AGBL4: variants seen among roughly 807,000 people sequenced by gnomAD.
AGBL4 encodes cytosolic carboxypeptidase 6.
AGBL4 carries 58 observed loss-of-function variants against 66.4 expected under a neutral mutation model. The ratio of observed to expected loss-of-function variants is 0.87; its 90% CI spans 0.71 to 1.09. AGBL4 has a LOEUF of 1.09. Among genes scored for constraint, AGBL4 ranks in the 50% least tolerant of loss-of-function variants. The pLI, the probability that AGBL4 is intolerant of heterozygous loss-of-function variation, is 0.00. For synonymous variants in AGBL4, 234 were observed against 222.9 expected, an observed-to-expected ratio of 1.05 and a Z score of -0.44; for missense variants, 579 against 631.0, an observed-to-expected ratio of 0.92 and a Z score of 0.88.
Position 49,390,456 on chromosome 1 carries a change from T to C in AGBL4, c.283-144592A>G, listed in dbSNP as rs546071671. Among the ~76,000 whole-genome samples, 181 of 152,304 alleles carry C rather than the reference T, an allele frequency of 1.2e-3. 3 individuals carry two copies. The South Asian group carries it at 0.016, about 14-fold the overall frequency. On this transcript the variant is annotated intron_variant, in intron 3 of 13. Coordinates refer to ENST00000371839, the MANE Select transcript of AGBL4 (RefSeq NM_032785.4). ...AACTTCACTAATAATGAAGGAGACATACTCAAAAATCTCTAAGGAAGAAAC... is the reference window on the plus strand; with the variant it reads ...AACTTCACTAATAATGAAGGAGACACACTCAAAAATCTCTAAGGAAGAAAC...
At chr1:49,263,983 T>C (rs1056418128) in intron 3 of AGBL4, among the ~76,000 whole-genome samples, 2 of 152,150 alleles carry the variant, frequency 1.3e-5, no homozygotes, top group African/African-American at 2.4e-5. Flanking sequence ...TTTATCAACA[T>C]AGAGAAACTT....
intron 8 of AGBL4, among the ~76,000 whole-genome samples, chr1:48,647,217 T>C (rs1371273068): frequency 6.6e-6 from 1 of 152,204 alleles, no homozygotes. Flanking sequence ...CGCAGAATCA[T>C]TTCTGTACCA....
chr1:49,883,916 T>C (rs894787941), intron 1 of AGBL4, among the ~76,000 whole-genome samples: 7 of 152,022 alleles, frequency 4.6e-5, no homozygotes, highest in Non-Finnish European at 8.8e-5. Context: ...AAATACAAAG[T>C]TATTATTCTC....
chr1:48,811,707 A>G (rs1278793448), intron 6 of AGBL4, among the ~76,000 whole-genome samples: 1 of 4,480 alleles, frequency 2.2e-4, no homozygotes, highest in Non-Finnish European at 1.7e-3. Context: ...GTCTTGCCCA[A>G]CTCTGGTTTC....
intron 3 of AGBL4, among the ~76,000 whole-genome samples, chr1:49,368,422 C>T (rs1644280871): frequency 6.6e-6 from 1 of 152,150 alleles, no homozygotes; most frequent in Admixed American, 6.6e-5. Flanking sequence ...ATGTACAAAG[C>T]ACTTTATACA....
At chr1:49,833,903 T>A in intron 2 of AGBL4, among the ~76,000 whole-genome samples, 1 of 152,134 alleles carries the variant, frequency 6.6e-6, no homozygotes, top group Non-Finnish European at 1.5e-5. Flanking sequence ...GCTGAGACAA[T>A]GGGGTTTTCT....
Position 49,199,311 on chromosome 1 carries a change from A to G in AGBL4, c.377+46459T>C, listed in dbSNP as rs145847047. 2.4e-4 allele frequency among the ~76,000 whole-genome samples: 37 copies of G among 152,292 alleles called. No individual in the cohort carries two copies. In the East Asian group the frequency reaches 4.6e-3, roughly 19 times the overall value. On this transcript the variant is annotated intron_variant, in intron 4 of 13. Coordinates refer to ENST00000371839, the MANE Select transcript of AGBL4 (RefSeq NM_032785.4). Reference sequence around the variant, plus strand: ...ATGCTATATTATCAGCAGCAAGACTACTTTTGTATCTGATATTTTCTCTAT... The same window carrying G: ...ATGCTATATTATCAGCAGCAAGACTGCTTTTGTATCTGATATTTTCTCTAT...
chr1:49,848,581 G>A (rs1646218095), intron 2 of AGBL4, among the ~76,000 whole-genome samples: 2 of 152,148 alleles, frequency 1.3e-5, no homozygotes, highest in Admixed American at 1.3e-4. Flanking sequence ...CAATACACAT[G>A]TTCTCATTTA....
At chr1:48,669,611 C>G (rs1348788070) in intron 6 of AGBL4, among the ~76,000 whole-genome samples, 1 of 152,202 alleles carries the variant, frequency 6.6e-6, no homozygotes, top group Admixed American at 6.5e-5. Flanking sequence ...TCCAAGCAAA[C>G]CTTCAGTTTC....
chr1:49,844,667 A>C (rs2148047837), intron 2 of AGBL4: 1 of 1,578,276 alleles, frequency 6.3e-7, no homozygotes, highest in Non-Finnish European at 8.6e-7. Flanking sequence ...ATTAAGGGAC[A>C]TTTCCAGTTT....
At chr1:49,431,650 T>G (rs1645789080) in intron 3 of AGBL4, among the ~76,000 whole-genome samples, 1 of 152,156 alleles carries the variant, frequency 6.6e-6, no homozygotes, top group African/African-American at 2.4e-5. Flanking sequence ...AATCATGTAT[T>G]TTTTTAAAAA....
chr1:49,855,965 T>C (rs1646421711), intron 1 of AGBL4, among the ~76,000 whole-genome samples: 1 of 151,902 alleles, frequency 6.6e-6, no homozygotes, highest in South Asian at 2.1e-4. Flanking sequence ...AAAGGTGGTT[T>C]TTTGAAAAGA....
At chr1:50,010,469 A>C (rs1052311674) in intron 1 of AGBL4, among the ~76,000 whole-genome samples, 1 of 149,062 alleles carries the variant, frequency 6.7e-6, no homozygotes, top group African/African-American at 2.5e-5. Context: ...AGGAACCACA[A>C]ACACACACAC....
intron 4 of AGBL4, among the ~76,000 whole-genome samples, chr1:49,228,625 G>A (rs992821606): frequency 3.9e-5 from 6 of 152,202 alleles, no homozygotes; most frequent in African/African-American, 1.4e-4. Flanking sequence ...CAGTGAAACT[G>A]GATTGCTGTG....
chr1:49,927,377 A>G (rs1010367914), intron 1 of AGBL4, among the ~76,000 whole-genome samples: 3 of 152,212 alleles, frequency 2.0e-5, no homozygotes, highest in Non-Finnish European at 4.4e-5. Context: ...GGAGACCTAA[A>G]GAAACTTACA....
intron 3 of AGBL4, among the ~76,000 whole-genome samples, chr1:49,327,208 G>A (rs1406962498): frequency 2.0e-5 from 3 of 152,072 alleles, no homozygotes; most frequent in Non-Finnish European, 4.4e-5. Context: ...TGCCATGTAA[G>A]GTAACATATT....
At chr1:49,251,247 T>A (rs1652035402) in intron 3 of AGBL4, among the ~76,000 whole-genome samples, 1 of 152,142 alleles carries the variant, frequency 6.6e-6, no homozygotes, top group Admixed American at 6.5e-5. Context: ...ACCTTCCCCA[T>A]ACTGCAGCTT....
intron 1 of AGBL4, among the ~76,000 whole-genome samples, chr1:49,857,725 T>C (rs1294822463): frequency 2.0e-5 from 3 of 152,006 alleles, no homozygotes; most frequent in Non-Finnish European, 4.4e-5. Flanking sequence ...AAAAATCAAC[T>C]CAATGTGAAT....
At chr1:48,603,958 C>T (rs527288261) in intron 9 of AGBL4, among the ~76,000 whole-genome samples, 1 of 151,690 alleles carries the variant, frequency 6.6e-6, no homozygotes, top group African/African-American at 2.4e-5. Flanking sequence ...AAAACAACAA[C>T]AACAACAACA....
Sources: gnomAD v4.1 joint callset for allele counts (sites outside exome capture counted in the v4.1 genomes callset) on GRCh38, gnomAD v4.1.1 for gene constraint, MANE v1.5 for transcripts, NCBI Gene and HGNC (gene_info 2026-07-23, HGNC 2026-07-21) for gene names.